YEATS2: variants seen among roughly 807,000 people sequenced by gnomAD.
YEATS2 encodes YEATS domain containing 2.
YEATS2 carries 77 observed loss-of-function variants against 163.2 expected under a neutral mutation model. That is an observed-to-expected ratio of 0.47 (90% CI 0.39 to 0.57). The LOEUF (loss-of-function observed/expected upper bound fraction) is 0.57. YEATS2 is among the 20% of genes least tolerant of loss of function. The pLI is 0.00. For missense variants in YEATS2, 1,549 were observed against 1,729.8 expected (o/e 0.90, Z 1.85); for synonymous variants, 631 against 645.1 (o/e 0.98, Z 0.33).
intron 7 of YEATS2, among the ~76,000 whole-genome samples, chr3:183,730,857 T>G (rs1002127906): frequency 9.2e-5 from 14 of 152,182 alleles, no homozygotes; most frequent in African/African-American, 3.4e-4. Context: ...TAGTGATATA[T>G]CATAGACTGT....
At position 183,804,311 on chromosome 3, in the gene YEATS2, G is replaced by C. The variant is rs542887225; in HGVS notation, c.3784+123G>C. ...GAGAGCCTTTCCTACCTCCTGCCGT[G>C]TCCTTCGTGGGACCGTGCAGTCCCC... is the stretch of plus-strand genomic sequence containing the variant. On this transcript the variant is annotated intron_variant, in intron 27 of 30. Transcript: ENST00000305135. 63 of 1,185,626 alleles carry C rather than the reference G, an allele frequency of 5.3e-5. 1 individual carries two copies. The South Asian group carries it at 8.5e-4, about 16-fold the overall frequency. The allele number at this position is 1,185,626 out of a possible 1,614,324, so 73.4% of individuals were successfully genotyped here. A position where few individuals can be genotyped will look rare whatever the true frequency, so the allele number is the denominator to read the frequency against.
chr3:183,748,421 T>G (rs1719796550), intron 9 of YEATS2, among the ~76,000 whole-genome samples: 1 of 151,612 alleles, frequency 6.6e-6, no homozygotes, highest in Non-Finnish European at 1.5e-5. Context: ...CCAGCTAATT[T>G]TTGTATTCAT....
At chr3:183,744,751 T>C (rs1397886780) in intron 8 of YEATS2, among the ~76,000 whole-genome samples, 1 of 152,194 alleles carries the variant, frequency 6.6e-6, no homozygotes, top group Admixed American at 6.5e-5. Context: ...GGAGCCATCT[T>C]TGATTCTTCC....
chr3:183,800,428 C>A, intron 23 of YEATS2, 38 bp from the exon 24 acceptor site: 1 of 1,505,978 alleles, frequency 6.6e-7, no homozygotes, highest in Non-Finnish European at 9.2e-7. Flanking sequence ...CCACCACTGA[C>A]CCCTAACAGC....
chr3:183,757,628 A>C (rs1447998435), intron 12 of YEATS2, among the ~76,000 whole-genome samples: 1 of 152,188 alleles, frequency 6.6e-6, no homozygotes. Context: ...AACTTCCCTG[A>C]AGTTTTCACT....
At chr3:183,724,348 C>A in intron 5 of YEATS2, 71 bp from the exon 6 acceptor site, 1 of 1,145,686 alleles carries the variant, frequency 8.7e-7, no homozygotes, top group Middle Eastern at 2.0e-4. Flanking sequence ...ATACTTTTTA[C>A]AATTTTGTGG....
intron 15 of YEATS2, among the ~76,000 whole-genome samples, 175 bp downstream of exon 15, chr3:183,762,454 G>C (rs1721465785): frequency 6.6e-6 from 1 of 152,228 alleles, no homozygotes. Flanking sequence ...TACTCCTGTA[G>C]TAATCATTGG....
chr3:183,772,731 A>C (rs977626737), intron 16 of YEATS2, among the ~76,000 whole-genome samples, 168 bp downstream of exon 16: 57 of 151,530 alleles, frequency 3.8e-4, no homozygotes, highest in Middle Eastern at 6.8e-3. Context: ...TTTTACATAA[A>C]GGTCTGTGAG....
rs1465410147 is a variant in YEATS2, at chr3:183,801,462, C to T, written c.3436C>T (p.His1146Tyr). 3 of 1,608,254 alleles carry T rather than the reference C, an allele frequency of 1.9e-6. No individual in the cohort carries two copies. The highest frequency in any genetic ancestry group is 8.5e-7 in the Non-Finnish European group (1 of 1,177,380). The change falls in exon 25 of 31, where the codon CAT (histidine) becomes TAT (tyrosine). Residue 1146 changes from histidine to tyrosine, a missense_variant. Coordinates refer to ENST00000305135, the MANE Select transcript of YEATS2 (RefSeq NM_018023.5). The stretch of plus-strand genomic sequence containing the variant: ...TTTTTTTATCTCTCTCAGGATAGAC[C>T]ATTTAGAAACTATCCAGCAACTCCT... ...ELGNYVIKID[H>Y]LETIQQLLTA... is the part of the protein sequence containing the mutation.
chr3:183,797,061 G>A (rs987962058), intron 21 of YEATS2, among the ~76,000 whole-genome samples: 2 of 152,126 alleles, frequency 1.3e-5, no homozygotes, highest in African/African-American at 4.8e-5. Flanking sequence ...TTGAGGTTGG[G>A]AGTTCGAGAC....
chr3:183,779,927 A>T (rs931964125), intron 19 of YEATS2, among the ~76,000 whole-genome samples: 2 of 148,112 alleles, frequency 1.4e-5, no homozygotes, highest in African/African-American at 5.0e-5. Context: ...CGATCTCTTG[A>T]CCTCGTGATC....
At chr3:183,725,153 A>G (rs16858037) in intron 6 of YEATS2, among the ~76,000 whole-genome samples, 4,313 of 148,140 alleles carry the variant, frequency 0.029, 206 homozygotes, top group African/African-American at 0.1. Context: ...TACTGCCTCT[A>G]TACTGTGACA....
chr3:183,752,796 T>TTTTTA (rs1324859388), intron 10 of YEATS2, among the ~76,000 whole-genome samples: 1 of 151,730 alleles, frequency 6.6e-6, no homozygotes, highest in African/African-American at 2.4e-5. Flanking sequence ...TTTAAATTTA[T>TTTTTA]TTTTATTTTA....
intron 28 of YEATS2, chr3:183,807,807 T>A (rs1726372767): frequency 1.9e-6 from 1 of 527,756 alleles, no homozygotes; most frequent in African/African-American, 1.9e-5. Flanking sequence ...TTTAATAGGA[T>A]TATAGTCATA....
In YEATS2 at chr3:183,725,036, C is replaced by T. The variant is rs543555923; in HGVS notation, c.650+505C>T. On this transcript the variant is annotated intron_variant, in intron 6 of 30. Coordinates refer to ENST00000305135, the MANE Select transcript of YEATS2 (RefSeq NM_018023.5). ...GGAATTACAGGTGTGAGCCACCGTG[C>T]CGGCCTTTTTTTTTTTTTTTTTTTT... Among the ~76,000 whole-genome samples, 6 of 138,580 alleles carry T rather than the reference C, an allele frequency of 4.3e-5. No individual in the cohort carries two copies. The East Asian group carries it at 9.3e-4, about 21-fold the overall frequency. The allele number at this position is 138,580 out of a possible 152,430, so 90.9% of individuals were successfully genotyped here. A position where few individuals can be genotyped will look rare whatever the true frequency, so the allele number is the denominator to read the frequency against.
At chr3:183,722,881 T>C (rs909974402) in intron 5 of YEATS2, among the ~76,000 whole-genome samples, 6 of 152,026 alleles carry the variant, frequency 3.9e-5, no homozygotes, top group Admixed American at 1.3e-4. Context: ...CTCGAACTCC[T>C]GACTTCATGA....
chr3:183,750,548 C>T (rs866013362), intron 9 of YEATS2, among the ~76,000 whole-genome samples: 44 of 152,342 alleles, frequency 2.9e-4, no homozygotes, highest in African/African-American at 1.0e-3. Context: ...ACCAACAGTG[C>T]ACACGTATTC....
intron 8 of YEATS2, among the ~76,000 whole-genome samples, chr3:183,740,965 G>A (rs1455262009): frequency 1.3e-5 from 2 of 152,028 alleles, no homozygotes; most frequent in East Asian, 1.9e-4. Flanking sequence ...TTGAGATAGA[G>A]TCTTGGTCTG....
At chr3:183,711,210 C>T (rs1203832623) in intron 1 of YEATS2, among the ~76,000 whole-genome samples, 1 of 152,122 alleles carries the variant, frequency 6.6e-6, no homozygotes, top group Admixed American at 6.5e-5. Context: ...GTGGCTCATG[C>T]CTGTAATCCC....
Sources: allele counts gnomAD v4.1 joint callset (sites outside exome capture counted in the v4.1 genomes callset), GRCh38; gene constraint gnomAD v4.1.1; transcripts MANE v1.5; gene names NCBI Gene and HGNC (gene_info 2026-07-23, HGNC 2026-07-21).